ADAM2: variants seen among roughly 807,000 people sequenced by gnomAD.
ADAM2 encodes the protein disintegrin and metalloproteinase domain-containing protein 2.
Under a neutral mutation model 99.3 loss-of-function variants are expected in ADAM2, and 101 were observed. The ratio of observed to expected loss-of-function variants is 1.02; its 90% CI spans 0.87 to 1.20. The LOEUF is 1.20. Among genes scored for constraint, ADAM2 ranks in the 50% most tolerant of loss-of-function variants. ADAM2 has a pLI of 0.00. For missense variants in ADAM2, 948 were observed against 878.7 expected (o/e 1.08, Z -1.00); for synonymous variants, 323 against 287.6 (o/e 1.12, Z -1.25).
chr8:39,815,275 T>C (rs1329947107), intron 6 of ADAM2, among the ~76,000 whole-genome samples: 7 of 152,176 alleles, frequency 4.6e-5, no homozygotes, highest in Admixed American at 4.6e-4. Flanking sequence ...GAGATATGAT[T>C]ATGTTCGTAT....
Position 39,788,693 on chromosome 8 carries a change from G to A in ADAM2, c.618C>T (p.Phe206=), listed in dbSNP as rs781773302. The A allele has an allele frequency of 2.5e-6, 4 of 1,582,326 alleles. No homozygotes were observed. In the South Asian group the frequency reaches 4.6e-5, roughly 18 times the overall value. The change falls in exon 8 of 21, where the codon TTC becomes TTT. Residue 206 remains phenylalanine, a synonymous_variant. Coordinates refer to ENST00000265708, the MANE Select transcript of ADAM2 (RefSeq NM_001464.5). ...CAGCATTCGTCAATCCAATCAACTG[G>A]AAAACTTTTTGAGCGACAACAGTTG... ...SDTTVVAQKV[F]QLIGLTNAIF...
rs370136259 is a variant in ADAM2 at position 39,749,647 on chromosome 8, C to G, written c.1875+20G>C. On this transcript the variant is annotated intron_variant, in intron 17 of 20. Coordinates refer to ENST00000265708, the MANE Select transcript of ADAM2 (RefSeq NM_001464.5). ...TAGGCTCAATGATTTCTATTTTCAC[C>G]TCATAGTACTGCTACTTACACCTCT... 2.5e-6 allele frequency: 4 copies of G among 1,593,066 alleles called. No individual in the cohort carries two copies. The African/African-American group carries it at 4.1e-5, about 16-fold the overall frequency.
chr8:39,795,465 C>T (rs1803899304), intron 7 of ADAM2, among the ~76,000 whole-genome samples: 1 of 152,130 alleles, frequency 6.6e-6, no homozygotes, highest in Non-Finnish European at 1.5e-5. Context: ...GTCTCCACAA[C>T]CCTTAATTGG....
intron 3 of ADAM2, among the ~76,000 whole-genome samples, chr8:39,828,650 G>C (rs1805503603): frequency 6.6e-6 from 1 of 151,788 alleles, no homozygotes; most frequent in Admixed American, 6.6e-5. Context: ...TAAAGTCATA[G>C]TAATTAAAAC....
Position 39,836,518 on chromosome 8 carries a change from CA to C in ADAM2, c.132+617del, listed in dbSNP as rs1563390451. 2.0e-5 allele frequency among the ~76,000 whole-genome samples: 3 copies of C among 150,570 alleles called. No individual in the cohort carries two copies. In the East Asian group the frequency reaches 5.9e-4, roughly 29 times the overall value. ...AAGGAAATGTTTGCATTTAAATTAC[CA>C]GAACATCTGCTACCAAACCAAAAAA... is the stretch of plus-strand genomic sequence containing the variant. On this transcript the variant is annotated intron_variant, in intron 2 of 20. Transcript: ENST00000265708.
intron 14 of ADAM2, 34 bp downstream of exon 14, chr8:39,766,814 A>G (rs182469053): frequency 6.8e-7 from 1 of 1,463,688 alleles, no homozygotes; most frequent in Non-Finnish European, 9.3e-7. Flanking sequence ...CCAGAAAAAA[A>G]CGCATATATG....
At chr8:39,814,902 G>A (rs142992160) in intron 6 of ADAM2, among the ~76,000 whole-genome samples, 2 of 151,298 alleles carry the variant, frequency 1.3e-5, no homozygotes, top group Admixed American at 6.6e-5. Context: ...ATATAACAGA[G>A]CAAATATCAA....
At chr8:39,806,042 G>A (rs1409255399) in intron 7 of ADAM2, among the ~76,000 whole-genome samples, 1 of 152,198 alleles carries the variant, frequency 6.6e-6, no homozygotes, top group Non-Finnish European at 1.5e-5. Flanking sequence ...TGACTCACTA[G>A]TAGAGGAGAT....
chr8:39,795,177 A>G (rs1381684030), intron 7 of ADAM2, among the ~76,000 whole-genome samples: 1 of 152,162 alleles, frequency 6.6e-6, no homozygotes, highest in Non-Finnish European at 1.5e-5. Context: ...CAATTTCTGA[A>G]CATATGTGTA....
rs1803552099 is a variant in ADAM2, at chr8:39,788,104, C to A, written c.790G>T (p.Asp264Tyr). The change falls in exon 9 of 21, where the codon GAT becomes TAT. Residue 264 changes from aspartate (D) to tyrosine (Y), a missense_variant. Transcript: ENST00000265708. ...KTSYLVLRPH[D>Y]VAFLLVYREK... ...CCTTACACAAGTAAAAATGCCACAT[C>A]ATGAGGACGTAAAACAAGATAAGAT... The A allele has an allele frequency of 6.5e-7, 1 of 1,544,680 alleles. No homozygotes were observed. The highest frequency in any genetic ancestry group is 8.7e-7 in the Non-Finnish European group (1 of 1,148,964).
intron 12 of ADAM2, 28 bp from the exon 13 acceptor site, chr8:39,767,279 T>G: frequency 6.4e-7 from 1 of 1,556,692 alleles, no homozygotes; most frequent in South Asian, 1.1e-5. Context: ...TGCTCTGAAG[T>G]ATTTTCCAAC....
chr8:39,790,151 TATA>T (rs1382021408), intron 7 of ADAM2, among the ~76,000 whole-genome samples: 1 of 151,910 alleles, frequency 6.6e-6, no homozygotes, highest in African/African-American at 2.4e-5. Context: ...GGAGTTATCT[TATA>T]ATCCAAAAAT....
chr8:39,799,338 T>A (rs146243152), intron 7 of ADAM2, among the ~76,000 whole-genome samples: 2 of 152,188 alleles, frequency 1.3e-5, no homozygotes, highest in Admixed American at 1.3e-4. Context: ...TTCCATGACA[T>A]TGTGTGGTTT....
chr8:39,759,674 A>G (rs905469740), intron 15 of ADAM2, among the ~76,000 whole-genome samples: 1 of 152,218 alleles, frequency 6.6e-6, no homozygotes, highest in Non-Finnish European at 1.5e-5. Flanking sequence ...AGTTGGAACA[A>G]CAGAAGGGTA....
intron 7 of ADAM2, among the ~76,000 whole-genome samples, chr8:39,798,420 G>A (rs951103938): frequency 6.6e-6 from 1 of 152,094 alleles, no homozygotes; most frequent in African/African-American, 2.4e-5. Context: ...GGTTTTTGAT[G>A]TGCTGTTAGA....
intron 7 of ADAM2, among the ~76,000 whole-genome samples, chr8:39,795,031 T>C (rs1253848250): frequency 6.6e-6 from 1 of 152,146 alleles, no homozygotes; most frequent in Non-Finnish European, 1.5e-5. Context: ...TTTTGTGTTA[T>C]ACTTTATCTA....
intron 2 of ADAM2, among the ~76,000 whole-genome samples, chr8:39,836,340 G>C (rs1359288094): frequency 6.6e-6 from 1 of 151,858 alleles, no homozygotes; most frequent in Non-Finnish European, 1.5e-5. Flanking sequence ...CATTAAAAAT[G>C]TTTCATAAAA....
chr8:39,792,492 C>T (rs1803762404), intron 7 of ADAM2, among the ~76,000 whole-genome samples: 1 of 151,986 alleles, frequency 6.6e-6, no homozygotes, highest in African/African-American at 2.4e-5. Context: ...CCTCTCTTTC[C>T]TCCTCTGCTT....
chr8:39,820,202 G>A (rs1439433002), intron 6 of ADAM2, among the ~76,000 whole-genome samples: 1 of 152,148 alleles, frequency 6.6e-6, no homozygotes, highest in African/African-American at 2.4e-5. Context: ...ACAAAGTGGA[G>A]AAAGAAGAGA....
Sources: gnomAD v4.1 joint callset for allele counts (sites outside exome capture counted in the v4.1 genomes callset) on GRCh38, gnomAD v4.1.1 for gene constraint, MANE v1.5 for transcripts, NCBI Gene and HGNC (gene_info 2026-07-23, HGNC 2026-07-21) for gene names.